LRPPRC: variants seen among roughly 807,000 people sequenced by gnomAD.
The protein encoded by LRPPRC is leucine rich pentatricopeptide repeat containing, also known as leucine-rich PPR motif-containing protein, mitochondrial.
A neutral mutation model predicts 180.3 loss-of-function variants in LRPPRC; 120 were observed. The ratio of observed to expected loss-of-function variants is 0.67; its 90% CI spans 0.57 to 0.77. LRPPRC has a LOEUF of 0.77. Among genes scored for constraint, LRPPRC ranks in the 30% least tolerant of loss-of-function variants. The pLI, the probability that LRPPRC is intolerant of heterozygous loss-of-function variation, is 0.00. For missense variants in LRPPRC, 2,012 were observed against 1,657.2 expected (o/e 1.21, Z -3.72); for synonymous variants, 723 against 600.0 (o/e 1.21, Z -3.00).
At chr2:43,924,133 T>C (rs1364009810) in intron 27 of LRPPRC, among the ~76,000 whole-genome samples, 1 of 152,130 alleles carries the variant, frequency 6.6e-6, no homozygotes, top group Non-Finnish European at 1.5e-5. Flanking sequence ...AATACAAGTT[T>C]GAAAAGACAA....
Position 43,973,907 on chromosome 2 carries a change from G to GA in LRPPRC, c.1156-8dup, listed in dbSNP as rs747766605. 5 of 1,538,018 alleles carry GA rather than the reference G, an allele frequency of 3.3e-6. No individual in the cohort carries two copies. Among genetic ancestry groups the GA allele is most frequent in the Non-Finnish European group, 4.5e-6 (5 of 1,111,238 alleles). On this transcript the variant is annotated splice_polypyrimidine_tract_variant and splice_region_variant and intron_variant, in intron 9 of 37. Coordinates refer to ENST00000260665, the MANE Select transcript of LRPPRC (RefSeq NM_133259.4). ...CTGTTAGCTTCTCCACAGGCTGTGG[G>GA]AAAAAAGTCACCACATTAGCTGGAT...
chr2:43,908,332 A>G (rs183337821), intron 30 of LRPPRC, among the ~76,000 whole-genome samples: 1 of 152,286 alleles, frequency 6.6e-6, no homozygotes, highest in African/African-American at 2.4e-5. Context: ...ACATGAAGAA[A>G]CTAAAAATGA....
chr2:43,890,863 T>C (rs1670466942), intron 36 of LRPPRC, among the ~76,000 whole-genome samples: 1 of 152,246 alleles, frequency 6.6e-6, no homozygotes, highest in Non-Finnish European at 1.5e-5. Context: ...ACCATGGAGA[T>C]GGTAAGGGCT....
chr2:43,960,692 C>T, intron 12 of LRPPRC, 58 bp from the exon 13 acceptor site: 1 of 820,798 alleles, frequency 1.2e-6, no homozygotes, highest in Non-Finnish European at 2.2e-6. Context: ...TTTTGATAAG[C>T]CAAAGATCCT....
At chr2:43,889,974 C>T in intron 36 of LRPPRC, 98 bp from the exon 37 acceptor site, 1 of 831,652 alleles carries the variant, frequency 1.2e-6, no homozygotes, top group Non-Finnish European at 2.1e-6. Flanking sequence ...ATCCCTTTAT[C>T]CCACGGCAAA....
rs776235639 is a variant in LRPPRC at position 43,888,667 on chromosome 2, G to GA, written c.4129-12dup. On this transcript the variant is annotated splice_polypyrimidine_tract_variant and intron_variant, in intron 37 of 37. Coordinates refer to ENST00000260665, the MANE Select transcript of LRPPRC (RefSeq NM_133259.4). ...AAATTCAAAGCTTTCCTGTTAAGGAGAAAAAAAGAGGGAAGTTAGAGATAC... is the reference window on the plus strand; with the variant it reads ...AAATTCAAAGCTTTCCTGTTAAGGAGAAAAAAAAGAGGGAAGTTAGAGATAC... 2.6e-5 allele frequency: 39 copies of GA among 1,527,050 alleles called. No individual in the cohort carries two copies. In the Middle Eastern group the frequency reaches 5.1e-4, roughly 20 times the overall value. The allele number at this position is 1,527,050 out of a possible 1,614,324, so 94.6% of individuals were successfully genotyped here. A position where few individuals can be genotyped will look rare whatever the true frequency, so the allele number is the denominator to read the frequency against.
At chr2:43,925,286 A>G (rs1473423703) in intron 26 of LRPPRC, 129 bp from the exon 27 acceptor site, 1 of 722,086 alleles carries the variant, frequency 1.4e-6, no homozygotes, top group Non-Finnish European at 2.5e-6. Context: ...TTCAAAAGTT[A>G]ATGGGCTGAG....
intron 2 of LRPPRC, among the ~76,000 whole-genome samples, chr2:43,980,161 G>T (rs1008493280): frequency 5.9e-5 from 9 of 152,072 alleles, no homozygotes; most frequent in African/African-American, 1.7e-4. Flanking sequence ...GAAATCTAAG[G>T]TTATAAAATC....
chr2:43,923,373 TCC>T (rs1295158685), intron 27 of LRPPRC, among the ~76,000 whole-genome samples: 1 of 152,058 alleles, frequency 6.6e-6, no homozygotes, highest in Non-Finnish European at 1.5e-5. Flanking sequence ...ATGCCTGTAC[TCC>T]CAACTACTTG....
intron 1 of LRPPRC, 68 bp from the exon 2 acceptor site, chr2:43,982,502 T>A: frequency 1.6e-6 from 2 of 1,215,324 alleles, no homozygotes; most frequent in Admixed American, 1.9e-5. Context: ...GAACAAAACT[T>A]AAACAAATTT....
intron 1 of LRPPRC, among the ~76,000 whole-genome samples, chr2:43,994,980 C>T (rs959229836): frequency 6.6e-6 from 1 of 152,216 alleles, no homozygotes; most frequent in Non-Finnish European, 1.5e-5. Flanking sequence ...GTGGCTCACA[C>T]CTGTAATCCC....
intron 1 of LRPPRC, among the ~76,000 whole-genome samples, chr2:43,986,318 C>T (rs536237111): frequency 7.2e-5 from 11 of 152,052 alleles, no homozygotes; most frequent in East Asian, 3.9e-4. Context: ...TTAGTACAGA[C>T]GGAGTTTTAC....
At chr2:43,960,433 CA>C (rs779871094) in intron 13 of LRPPRC, 107 bp downstream of exon 13, 3 of 749,822 alleles carry the variant, frequency 4.0e-6, no homozygotes, top group Non-Finnish European at 7.3e-6. Flanking sequence ...CTGGCTTTAA[CA>C]AAACATATAA....
At chr2:43,945,963 C>G in intron 21 of LRPPRC, 150 bp downstream of exon 21, 1 of 757,362 alleles carries the variant, frequency 1.3e-6, no homozygotes, top group South Asian at 1.6e-5. Context: ...AATTAAAGAG[C>G]CGTATAATAC....
chr2:43,915,404 G>A (rs984772812), intron 29 of LRPPRC, among the ~76,000 whole-genome samples: 2 of 152,106 alleles, frequency 1.3e-5, no homozygotes, highest in Non-Finnish European at 2.9e-5. Flanking sequence ...CTCAGAATGG[G>A]CCGGGCATGG....
At chr2:43,952,243 A>C (rs1273836533) in intron 14 of LRPPRC, among the ~76,000 whole-genome samples, 1 of 152,198 alleles carries the variant, frequency 6.6e-6, no homozygotes, top group Non-Finnish European at 1.5e-5. Flanking sequence ...CAAACGTGGC[A>C]TGAAGTACCT....
chr2:43,923,281 C>T (rs912832663), intron 27 of LRPPRC, among the ~76,000 whole-genome samples: 7 of 150,784 alleles, frequency 4.6e-5, no homozygotes, highest in Admixed American at 4.0e-4. Flanking sequence ...GAGTTCAAGA[C>T]CATCCTGGGC....
chr2:43,976,033 A>G, intron 6 of LRPPRC, 110 bp downstream of exon 6: 1 of 681,762 alleles, frequency 1.5e-6, no homozygotes, highest in South Asian at 1.7e-5. Context: ...TGTCTACAAT[A>G]ATTTTCTCTA....
At chr2:43,936,534 T>G (rs948332982) in intron 23 of LRPPRC, among the ~76,000 whole-genome samples, 1 of 152,218 alleles carries the variant, frequency 6.6e-6, no homozygotes, top group Non-Finnish European at 1.5e-5. Flanking sequence ...GTTAAAGCCT[T>G]CACATTTTTG....
Sources: gnomAD v4.1 joint callset for allele counts (sites outside exome capture counted in the v4.1 genomes callset) on GRCh38, gnomAD v4.1.1 for gene constraint, MANE v1.5 for transcripts, NCBI Gene and HGNC (gene_info 2026-07-23, HGNC 2026-07-21) for gene names.